The following PALLD variants were observed in gnomAD, a reference collection of about 807,000 sequenced individuals.
PALLD encodes palladin, cytoskeletal associated protein, also known as palladin.
PALLD carries 61 observed loss-of-function variants against 123.5 expected under a neutral mutation model. The ratio of observed to expected loss-of-function variants is 0.49; its 90% CI spans 0.40 to 0.61. PALLD has a LOEUF of 0.61. PALLD is among the 20% of genes least tolerant of loss of function. The pLI is 0.00. For missense variants in PALLD, 1,273 were observed against 1,377.0 expected (o/e 0.92, Z 1.20); for synonymous variants, 465 against 496.4 (o/e 0.94, Z 0.84).
At chr4:168,594,606 G>A (rs1771794297) in intron 2 of PALLD, among the ~76,000 whole-genome samples, 1 of 152,058 alleles carries the variant, frequency 6.6e-6, no homozygotes, top group East Asian at 1.9e-4. Flanking sequence ...ATGTGATATT[G>A]GGTCAAATGA....
At chr4:168,700,482 A>G (rs1213525822) in intron 8 of PALLD, 1 of 152,210 alleles carries the variant, frequency 6.6e-6, no homozygotes, top group Non-Finnish European at 1.5e-5. Context: ...AAACACACAA[A>G]GGAAGCTTGT....
At chr4:168,759,187 AAAAAAAAAAAAAAAAATATATATAT>A (rs1732349454) in intron 10 of PALLD, among the ~76,000 whole-genome samples, 2 of 21,508 alleles carry the variant, frequency 9.3e-5, no homozygotes, top group Non-Finnish European at 2.1e-4. Context: ...CTCAAAAAAA[AAAAAAAAAAAAAAAAATATATATAT>A]ATATATATAT....
At chr4:168,524,147 AAAC>A (rs747118828) in intron 2 of PALLD, among the ~76,000 whole-genome samples, 1 of 152,206 alleles carries the variant, frequency 6.6e-6, no homozygotes, top group East Asian at 1.9e-4. Flanking sequence ...GGACATACTT[AAAC>A]AACAGCTGTC....
At chr4:168,561,964 GCACTTTA>G (rs1390632149) in intron 2 of PALLD, among the ~76,000 whole-genome samples, 6 of 152,002 alleles carry the variant, frequency 3.9e-5, no homozygotes, top group African/African-American at 1.4e-4. Context: ...TATTTGCTCA[GCACTTTA>G]CACTTTACAA....
chr4:168,823,717 T>G (rs76879980), intron 10 of PALLD, among the ~76,000 whole-genome samples: 2,402 of 152,294 alleles, frequency 0.016, 69 homozygotes, highest in African/African-American at 0.055. Flanking sequence ...GTAACACTAC[T>G]TGGCCTAGAA....
chr4:168,675,171 G>A lies in PALLD; in HGVS notation c.1088-6161G>A, dbSNP rs376589124. Among the ~76,000 whole-genome samples the A allele has an allele frequency of 1.6e-3, 248 of 152,300 alleles. 9 individuals are homozygous for A. In the South Asian group the frequency reaches 0.05, roughly 31 times the overall value. On this transcript the variant is annotated intron_variant, in intron 3 of 21. Coordinates refer to ENST00000505667, the MANE Select transcript of PALLD (RefSeq NM_001166108.2). ...AATAGCTTTATGAGCTCCGAAGAGG[G>A]CAAGATGGTGGCCCTGAAATGTGGG... is the stretch of plus-strand genomic sequence containing the variant.
intron 10 of PALLD, among the ~76,000 whole-genome samples, chr4:168,745,213 T>A (rs547850681): frequency 1.2e-4 from 19 of 152,306 alleles, no homozygotes; most frequent in African/African-American, 4.6e-4. Flanking sequence ...ACTCAGTAAG[T>A]ACCTAAAAAT....
chr4:168,730,373 T>C (rs952810741), intron 10 of PALLD, among the ~76,000 whole-genome samples: 3 of 152,194 alleles, frequency 2.0e-5, no homozygotes, highest in Non-Finnish European at 4.4e-5. Context: ...GTCCTTTGCC[T>C]CATATTAATC....
chr4:168,678,459 G>C (rs1371639201), intron 3 of PALLD, among the ~76,000 whole-genome samples: 1 of 152,142 alleles, frequency 6.6e-6, no homozygotes, highest in African/African-American at 2.4e-5. Flanking sequence ...AGAACGCTGG[G>C]AGTTCAGAGA....
chr4:168,886,597 C>T (rs573524375), intron 10 of PALLD, among the ~76,000 whole-genome samples: 31 of 152,258 alleles, frequency 2.0e-4, no homozygotes, highest in Non-Finnish European at 4.1e-4. Flanking sequence ...GAGCTGTGAT[C>T]ACACCACTGC....
intron 3 of PALLD, among the ~76,000 whole-genome samples, chr4:168,675,809 A>G (rs372615008): frequency 1.3e-5 from 2 of 152,056 alleles, no homozygotes; most frequent in East Asian, 3.9e-4. Flanking sequence ...TAATCCCAGC[A>G]CTTTGGGAGG....
chr4:168,780,561 A>T (rs1489636492), intron 10 of PALLD, among the ~76,000 whole-genome samples: 2 of 152,216 alleles, frequency 1.3e-5, no homozygotes, highest in African/African-American at 2.4e-5. Context: ...ATCCTGCCTC[A>T]TCCTTTTCCT....
intron 10 of PALLD, among the ~76,000 whole-genome samples, chr4:168,774,589 G>A (rs185415063): frequency 0.01 from 1,568 of 152,024 alleles, 21 homozygotes; most frequent in African/African-American, 0.036. Flanking sequence ...TTAGCCGAGT[G>A]TGGCGGTGCA....
At chr4:168,896,632 C>G in intron 13 of PALLD, 33 bp downstream of exon 13, 1 of 1,254,532 alleles carries the variant, frequency 8.0e-7, no homozygotes, top group Non-Finnish European at 1.1e-6. Flanking sequence ...TCCTTCCAGT[C>G]TTTCTCTGTG....
intron 2 of PALLD, among the ~76,000 whole-genome samples, chr4:168,600,022 TACAC>T (rs758998866): frequency 2.1e-5 from 3 of 146,038 alleles, no homozygotes; most frequent in Admixed American, 6.7e-5. Context: ...TACATGTGTG[TACAC>T]ACACATACAT....
At chr4:168,733,718 TTTG>T (rs1157931314) in intron 10 of PALLD, among the ~76,000 whole-genome samples, 2 of 151,952 alleles carry the variant, frequency 1.3e-5, no homozygotes, top group Admixed American at 1.3e-4. Flanking sequence ...AGAAATGTTT[TTTG>T]TTGTTGTTGT....
chr4:168,523,239 G>A (rs1452851911), intron 2 of PALLD, among the ~76,000 whole-genome samples: 6 of 150,042 alleles, frequency 4.0e-5, no homozygotes. Flanking sequence ...GAGGAGGGGA[G>A]GGGAGGGGAG....
rs115492454 is a variant in PALLD, at chr4:168,897,796, A to G, written c.2251-697A>G. Reference sequence around the variant, plus strand: ...CAAGGAAATTGTAGGATCCACCGTAATCACCACAGGAATGTTGATGGGTTG... The same window carrying G: ...CAAGGAAATTGTAGGATCCACCGTAGTCACCACAGGAATGTTGATGGGTTG... On this transcript the variant is annotated intron_variant, in intron 13 of 21. Transcript: ENST00000505667. 2.4e-3 allele frequency among the ~76,000 whole-genome samples: 365 copies of G among 151,854 alleles called. 1 individual carries two copies. The highest frequency in any genetic ancestry group is 8.6e-3 in the African/African-American group (357 of 41,416).
At chr4:168,804,816 A>G (rs1739905953) in intron 10 of PALLD, among the ~76,000 whole-genome samples, 1 of 152,150 alleles carries the variant, frequency 6.6e-6, no homozygotes, top group South Asian at 2.1e-4. Flanking sequence ...GTAGATGTAT[A>G]TTTTCTCTGT....
Sources: gnomAD v4.1 joint callset for allele counts (sites outside exome capture counted in the v4.1 genomes callset) on GRCh38, gnomAD v4.1.1 for gene constraint, MANE v1.5 for transcripts, NCBI Gene and HGNC (gene_info 2026-07-23, HGNC 2026-07-21) for gene names.